WDR76: variants seen among roughly 807,000 people sequenced by gnomAD.
WDR76 encodes WD repeat-containing protein 76.
A neutral mutation model predicts 70.2 loss-of-function variants in WDR76; 52 were observed. That is an observed-to-expected ratio of 0.74 (90% CI 0.59 to 0.93). WDR76 has a LOEUF of 0.93. Among genes scored for constraint, WDR76 ranks in the 40% least tolerant of loss-of-function variants. WDR76 has a pLI of 0.00. For missense variants in WDR76, 756 were observed against 760.2 expected (o/e 0.99, Z 0.07); for synonymous variants, 292 against 271.1 (o/e 1.08, Z -0.76).
intron 5 of WDR76, 101 bp from the exon 6 acceptor site, chr15:43,842,314 A>G: frequency 1.0e-6 from 1 of 966,216 alleles, no homozygotes; most frequent in Middle Eastern, 2.8e-4. Context: ...GTTGATGTTG[A>G]AAGTGAAGTT....
Position 43,828,091 on chromosome 15 carries a change from C to G in WDR76, c.187C>G (p.Gln63Glu). 6.2e-7 allele frequency: 1 copy of G among 1,614,130 alleles called. No homozygotes were observed. Among genetic ancestry groups the G allele is most frequent in the Non-Finnish European group, 8.5e-7 (1 of 1,180,020 alleles). The change falls in exon 2 of 13, where the codon CAG becomes GAG. Residue 63 changes from glutamine (Q) to glutamate (E), a missense_variant. Physicochemically the swap from Gln to Glu is conservative, Grantham distance 29. Transcript: ENST00000263795. ...PFSLSNYQLD[Q>E]LMCPKSLSEK... ...TTCACTCAGTAATTACCAGCTAGAC[C>G]AGCTTATGTGCCCCAAATCCCTATC...
Position 43,841,982 on chromosome 15 carries a change from C to G in WDR76, c.733-433C>G, listed in dbSNP as rs2087731113. Among the ~76,000 whole-genome samples the G allele has an allele frequency of 2.6e-5, 4 of 152,140 alleles. No homozygotes were observed. In the South Asian group the frequency reaches 8.3e-4, roughly 31 times the overall value. The stretch of plus-strand genomic sequence containing the variant: ...ACCTGGGTTCACACGATTCTCCTGC[C>G]TCAGCCTCCTGAGCTGCTGGGATTA... On this transcript the variant is annotated intron_variant, in intron 5 of 12. Coordinates refer to ENST00000263795, the MANE Select transcript of WDR76 (RefSeq NM_024908.4).
chr15:43,831,805 C>T (rs1002675309), intron 2 of WDR76, among the ~76,000 whole-genome samples: 16 of 151,692 alleles, frequency 1.1e-4, no homozygotes, highest in Admixed American at 9.9e-4. Flanking sequence ...AAAGTGTATA[C>T]GAGGCAAATA....
At chr15:43,827,780 C>T (rs922517467) in intron 1 of WDR76, among the ~76,000 whole-genome samples, 185 bp from the exon 2 acceptor site, 1 of 152,102 alleles carries the variant, frequency 6.6e-6, no homozygotes, top group Non-Finnish European at 1.5e-5. Flanking sequence ...CTCCTGACCT[C>T]GCGATCTGCC....
At chr15:43,854,901 A>G (rs920932746) in intron 9 of WDR76, among the ~76,000 whole-genome samples, 5 of 151,924 alleles carry the variant, frequency 3.3e-5, no homozygotes, top group Non-Finnish European at 7.4e-5. Flanking sequence ...CAGTGAGCCA[A>G]GATTGTGCCA....
intron 8 of WDR76, among the ~76,000 whole-genome samples, chr15:43,844,851 C>A (rs1399306711): frequency 8.2e-6 from 1 of 122,150 alleles, no homozygotes; most frequent in African/African-American, 3.2e-5. Flanking sequence ...TGGCGTGAAC[C>A]TGGGAGGGGG....
intron 10 of WDR76, 123 bp downstream of exon 10, chr15:43,857,286 G>C (rs765915613): frequency 1.8e-6 from 2 of 1,113,436 alleles, no homozygotes; most frequent in Non-Finnish European, 2.4e-6. Context: ...AATACCCAAA[G>C]GCCAAGTAAT....
chr15:43,850,698 T>C (rs906957117), intron 8 of WDR76, among the ~76,000 whole-genome samples: 2 of 152,194 alleles, frequency 1.3e-5, no homozygotes, highest in Non-Finnish European at 2.9e-5. Flanking sequence ...TAAGTTAATA[T>C]TATACAGAAG....
Position 43,828,062 on chromosome 15 carries a change from C to T in WDR76, c.158C>T (p.Pro53Leu). Residue 53 changes from proline (P) to leucine (L), a missense_variant, in exon 2 of 13, where the codon CCC (proline) becomes CTC (leucine). By Grantham distance (98) the Pro-to-Leu change is moderately conservative. Transcript: ENST00000263795. ...AAAACAGCTAAGGTCTATCTTGCCCCCTTTTCACTCAGTAATTACCAGCTA... is the reference window on the plus strand; with the variant it reads ...AAAACAGCTAAGGTCTATCTTGCCCTCTTTTCACTCAGTAATTACCAGCTA... ...LIKTAKVYLAPFSLSNYQLDQ... is the reference protein window; with the variant it reads ...LIKTAKVYLALFSLSNYQLDQ... 1 of 1,614,154 alleles carries T rather than the reference C, an allele frequency of 6.2e-7. No individual in the cohort carries two copies. The highest frequency in any genetic ancestry group is 8.5e-7 in the Non-Finnish European group (1 of 1,180,032).
rs1252757775 is a variant in WDR76, at chr15:43,856,059, C to A, written c.1192-887C>A. On this transcript the variant is annotated intron_variant, in intron 9 of 12. Transcript: ENST00000263795. ...AATGGCTTCATACTAATATACATAGCCTTTTGCAACTCTTTTCACTTAATA... is the reference window on the plus strand; with the variant it reads ...AATGGCTTCATACTAATATACATAGACTTTTGCAACTCTTTTCACTTAATA... Among the ~76,000 whole-genome samples, 8 of 152,184 alleles carry A rather than the reference C, an allele frequency of 5.3e-5. No individual in the cohort carries two copies. In the East Asian group the frequency reaches 1.5e-3, roughly 29 times the overall value.
chr15:43,861,380 C>A lies in WDR76; in HGVS notation c.1610C>A (p.Thr537Asn). 1 of 1,613,818 alleles carries A rather than the reference C, an allele frequency of 6.2e-7. No individual in the cohort carries two copies. Among genetic ancestry groups the A allele is most frequent in the African/African-American group, 1.3e-5 (1 of 75,054 alleles). The change falls in exon 12 of 13, where the codon ACC (threonine) becomes AAC (asparagine). Residue 537 changes from threonine (T) to asparagine (N), a missense_variant. By Grantham distance (65) the Thr-to-Asn change is moderately conservative. Transcript: ENST00000263795. Reference sequence around the variant, plus strand: ...TCTTCTAAGATTCCGCTCCTCACCACCATCAGGTAGGCTTCTATATGCCAA... The same window carrying A: ...TCTTCTAAGATTCCGCTCCTCACCAACATCAGGTAGGCTTCTATATGCCAA... ...CISSKIPLLT[T>N]IRHNTFTGRW...
intron 9 of WDR76, among the ~76,000 whole-genome samples, chr15:43,853,779 A>G (rs1008024884): frequency 5.9e-5 from 9 of 151,630 alleles, no homozygotes; most frequent in African/African-American, 2.2e-4. Flanking sequence ...GGTGGCAGGC[A>G]CCTGTAGTCC....
chr15:43,836,989 A>G (rs2087664130), intron 4 of WDR76, among the ~76,000 whole-genome samples: 1 of 151,694 alleles, frequency 6.6e-6, no homozygotes, highest in African/African-American at 2.4e-5. Context: ...ATGGTGAGCC[A>G]AGATTGCACC....
chr15:43,863,586 G>A (rs1403377111), intron 12 of WDR76, among the ~76,000 whole-genome samples: 1 of 151,168 alleles, frequency 6.6e-6, no homozygotes, highest in African/African-American at 2.4e-5. Context: ...AAGAAACAGG[G>A]TCTCGCTCCC....
chr15:43,844,032 G>A lies in WDR76; in HGVS notation c.1010G>A (p.Gly337Glu). ...TTGGTAGCAGTTGGGGCCAAATTTG[G>A]GCAAGTTGGACTTTGTGATTTGGTA... is the stretch of plus-strand genomic sequence containing the variant. Reference protein sequence around the residue: ...RTLVAVGAKFGQVGLCDLTQQ... With the variant: ...RTLVAVGAKFEQVGLCDLTQQ... The change falls in exon 8 of 13, where the codon GGG (glycine) becomes GAG (glutamate). Residue 337 changes from glycine to glutamate, a missense_variant. Coordinates refer to ENST00000263795, the MANE Select transcript of WDR76 (RefSeq NM_024908.4). 6.2e-7 allele frequency: 1 copy of A among 1,612,970 alleles called. No homozygotes were observed. The highest frequency in any genetic ancestry group is 8.5e-7 in the Non-Finnish European group (1 of 1,179,580).
chr15:43,834,451 C>T lies in WDR76; in HGVS notation c.463-610C>T, dbSNP rs1428190821. Among the ~76,000 whole-genome samples the T allele has an allele frequency of 6.7e-5, 10 of 149,274 alleles. No homozygotes were observed. The East Asian group carries it at 1.2e-3, about 18-fold the overall frequency. Reference sequence around the variant, plus strand: ...GAGTAGCTGGGATTACAGGCTCCTGCCACTATACCTGGCTAATTTTTTTTT... The same window carrying T: ...GAGTAGCTGGGATTACAGGCTCCTGTCACTATACCTGGCTAATTTTTTTTT... On this transcript the variant is annotated intron_variant, in intron 2 of 12. Coordinates refer to ENST00000263795, the MANE Select transcript of WDR76 (RefSeq NM_024908.4).
At chr15:43,839,481 A>G (rs796409404) in intron 4 of WDR76, 124 bp from the exon 5 acceptor site, 1 of 1,007,304 alleles carries the variant, frequency 9.9e-7, no homozygotes, top group Non-Finnish European at 1.4e-6. Context: ...GGCCATGTAT[A>G]TATATATCTA....
rs1032124271 is a variant in WDR76 at position 43,850,971 on chromosome 15, TAAGAA to T, written c.1033-111_1033-107del. Reference sequence around the variant, plus strand: ...GGGGAGAGTGGTTACAATTATAGACTAAGAAAAGACTGAATATAATCCAGTGTAAA... The same window carrying T: ...GGGGAGAGTGGTTACAATTATAGACTAAGACTGAATATAATCCAGTGTAAA... On this transcript the variant is annotated intron_variant, in intron 8 of 12. Transcript: ENST00000263795. 309 of 1,321,816 alleles carry T rather than the reference TAAGAA, an allele frequency of 2.3e-4. 1 individual carries two copies. The highest frequency in any genetic ancestry group is 4.8e-5 in the Non-Finnish European group (46 of 965,392). 81.9% of individuals were successfully genotyped at this position (1,321,816 alleles called of 1,614,324 possible). A position where few individuals can be genotyped will look rare whatever the true frequency, so the allele number is the denominator to read the frequency against.
chr15:43,828,424 A>G, intron 2 of WDR76, 58 bp downstream of exon 2: 2 of 1,516,462 alleles, frequency 1.3e-6, no homozygotes, highest in Non-Finnish European at 1.8e-6. Flanking sequence ...TGAAGTTCTG[A>G]TAAATCGAAG....
Sources: allele counts gnomAD v4.1 joint callset (sites outside exome capture counted in the v4.1 genomes callset), GRCh38; gene constraint gnomAD v4.1.1; transcripts MANE v1.5; gene names NCBI Gene and HGNC (gene_info 2026-07-23, HGNC 2026-07-21).